SLC35A3: variants seen among roughly 807,000 people sequenced by gnomAD.
SLC35A3 encodes the protein solute carrier family 35 member A3, also known as UDP-N-acetylglucosamine transporter.
SLC35A3 carries 26 observed loss-of-function variants against 39.0 expected under a neutral mutation model. The observed-to-expected ratio is 0.67, with a 90% CI of 0.49 to 0.92. The LOEUF (loss-of-function observed/expected upper bound fraction) is 0.92. Among genes scored for constraint, SLC35A3 ranks in the 40% least tolerant of loss-of-function variants. The pLI, the probability that SLC35A3 is intolerant of heterozygous loss-of-function variation, is 0.00. For synonymous variants in SLC35A3, 135 were observed against 133.1 expected, an observed-to-expected ratio of 1.01 and a Z score of -0.10; for missense variants, 299 against 371.6, an observed-to-expected ratio of 0.80 and a Z score of 1.61.
At chr1:99,970,949 T>C (rs1656769855) in intron 1 of SLC35A3, among the ~76,000 whole-genome samples, 1 of 152,192 alleles carries the variant, frequency 6.6e-6, no homozygotes, top group Non-Finnish European at 1.5e-5. Context: ...CTGTTGATTC[T>C]ATCTCTTCAG....
Position 100,027,277 on chromosome 1 carries a change from T to C in SLC35A3, c.*4801T>C. 1 of 397,916 alleles carries C rather than the reference T, an allele frequency of 2.5e-6. No homozygotes were observed. The highest frequency in any genetic ancestry group is 4.4e-6 in the Non-Finnish European group (1 of 225,750). 24.6% of individuals were successfully genotyped at this position (397,916 alleles called of 1,614,324 possible). On this transcript the variant is annotated 3_prime_UTR_variant, in exon 8 of 8. Coordinates refer to ENST00000533028, the MANE Select transcript of SLC35A3 (RefSeq NM_012243.3). The stretch of plus-strand genomic sequence containing the variant: ...GGCCAGCCTGGGCAACATAGCCTTG[T>C]TTCTACAAAAAATCTTAAAAATAAA...
chr1:100,000,314 G>A (rs1429539719), intron 3 of SLC35A3, among the ~76,000 whole-genome samples: 7 of 151,986 alleles, frequency 4.6e-5, no homozygotes, highest in Admixed American at 1.3e-4. Flanking sequence ...CTTGATTTGC[G>A]TTTCCCTGAT....
intron 4 of SLC35A3, chr1:100,007,654 TG>T (rs958431782): frequency 6.6e-6 from 1 of 152,516 alleles, no homozygotes; most frequent in Non-Finnish European, 1.5e-5. Context: ...CATCTATTCT[TG>T]GGGGGCGGTT....
At chr1:100,002,577 T>A (rs189584328) in intron 3 of SLC35A3, among the ~76,000 whole-genome samples, 1 of 152,170 alleles carries the variant, frequency 6.6e-6, no homozygotes, top group Non-Finnish European at 1.5e-5. Context: ...TTTGTATTTT[T>A]GTTTAGTTTC....
At chr1:99,997,596 A>T (rs1405451022) in intron 2 of SLC35A3, among the ~76,000 whole-genome samples, 1 of 148,592 alleles carries the variant, frequency 6.7e-6, no homozygotes, top group Admixed American at 6.8e-5. Flanking sequence ...ACCATCCAGG[A>T]ATTTTCTCAA....
chr1:99,972,463 G>A (rs1416337299), intron 1 of SLC35A3, among the ~76,000 whole-genome samples: 2 of 151,066 alleles, frequency 1.3e-5, no homozygotes, highest in East Asian at 3.9e-4. Context: ...AGCCTCTCGA[G>A]TAGCTGGGAC....
At chr1:99,970,198 C>T (rs1327387522) in intron 1 of SLC35A3, 36 bp downstream of exon 1, 3 of 195,060 alleles carry the variant, frequency 1.5e-5, no homozygotes, top group Non-Finnish European at 3.2e-5. Context: ...GGGCGGGAAC[C>T]AGGAGGCTAG....
At chr1:99,971,368 G>C (rs564517670) in intron 1 of SLC35A3, among the ~76,000 whole-genome samples, 1 of 151,226 alleles carries the variant, frequency 6.6e-6, no homozygotes, top group East Asian at 1.9e-4. Flanking sequence ...GTGCAGTGGC[G>C]CAATCTCAGC....
At chr1:100,006,717 C>G (rs1292468117) in intron 3 of SLC35A3, among the ~76,000 whole-genome samples, 1 of 152,168 alleles carries the variant, frequency 6.6e-6, no homozygotes, top group Non-Finnish European at 1.5e-5. Context: ...ACCCAGGCCC[C>G]TAGATTGCAT....
intron 2 of SLC35A3, among the ~76,000 whole-genome samples, chr1:99,996,707 G>A (rs1335974277): frequency 7.2e-5 from 11 of 151,948 alleles, no homozygotes; most frequent in Non-Finnish European, 1.3e-4. Context: ...GCCCTCATCT[G>A]TAAAAATAAA....
chr1:100,004,750 CAG>C (rs1326613302), intron 3 of SLC35A3, among the ~76,000 whole-genome samples: 1 of 151,486 alleles, frequency 6.6e-6, no homozygotes, highest in Non-Finnish European at 1.5e-5. Flanking sequence ...TTCTAAAAGA[CAG>C]ATGTCTTGCT....
rs12121705 is a variant in SLC35A3 at position 100,011,259 on chromosome 1, T to G, written c.466-106T>G. ...AAGCTCTCCTTTGCAGTCCCAAAAA[T>G]GATATTGGTTGCATTTTTAAGTTAT... On this transcript the variant is annotated intron_variant, in intron 4 of 7. Transcript: ENST00000533028. 19,468 of 471,692 alleles carry G rather than the reference T, an allele frequency of 0.041. 449 individuals are homozygous for G. The highest frequency in any genetic ancestry group is 0.068 in the African/African-American group (3,439 of 50,418). 29.2% of individuals were successfully genotyped at this position (471,692 alleles called of 1,614,324 possible).
intron 1 of SLC35A3, among the ~76,000 whole-genome samples, chr1:99,984,176 T>A (rs1305060768): frequency 6.6e-6 from 1 of 152,172 alleles, no homozygotes; most frequent in Non-Finnish European, 1.5e-5. Context: ...AAATATTAAA[T>A]TTTTAAAAAT....
chr1:100,008,861 CAACTT>C (rs1366986876), intron 4 of SLC35A3: 2 of 152,164 alleles, frequency 1.3e-5, no homozygotes, highest in Non-Finnish European at 2.9e-5. Context: ...TTTACACTTA[CAACTT>C]AAGTTCCTAG....
intron 1 of SLC35A3, among the ~76,000 whole-genome samples, chr1:99,973,808 A>G (rs1656950006): frequency 6.6e-6 from 1 of 152,198 alleles, no homozygotes; most frequent in Non-Finnish European, 1.5e-5. Context: ...CGAGGTCAGG[A>G]GTTTAAGACC....
At chr1:99,983,909 A>C (rs1259327652) in intron 1 of SLC35A3, among the ~76,000 whole-genome samples, 1 of 152,190 alleles carries the variant, frequency 6.6e-6, no homozygotes, top group Admixed American at 6.5e-5. Flanking sequence ...GGCATGAGCC[A>C]CCGCACCCGG....
rs201343580 is a variant in SLC35A3 at position 100,025,023 on chromosome 1, A to T, written c.*2547A>T. 4.3e-6 allele frequency: 1 copy of T among 230,888 alleles called. No homozygotes were observed. The highest frequency in any genetic ancestry group is 1.8e-4 in the South Asian group (1 of 5,548). 14.3% of individuals were successfully genotyped at this position (230,888 alleles called of 1,614,324 possible). A position where few individuals can be genotyped will look rare whatever the true frequency, so the allele number is the denominator to read the frequency against. ...AGTTTAAAAGCATTTAAAATTACCA[A>T]ATCTTTAAAATCACTTTGGTGGTGA... On this transcript the variant is annotated 3_prime_UTR_variant, in exon 8 of 8. Coordinates refer to ENST00000533028, the MANE Select transcript of SLC35A3 (RefSeq NM_012243.3).
At chr1:99,980,711 G>A (rs1166645000) in intron 1 of SLC35A3, among the ~76,000 whole-genome samples, 1 of 151,504 alleles carries the variant, frequency 6.6e-6, no homozygotes, top group Non-Finnish European at 1.5e-5. Context: ...GTTTAACTTA[G>A]AACATGATAG....
rs911813687 is a variant in SLC35A3 at position 100,025,299 on chromosome 1, T to C, written c.*2823T>C. On this transcript the variant is annotated 3_prime_UTR_variant, in exon 8 of 8. Transcript: ENST00000533028. ...TATTGGTTGGTTACTTATGTATTAA[T>C]GCAGTGTGCATTCACATTTAATCAG... is the stretch of plus-strand genomic sequence containing the variant. 1.3e-5 allele frequency: 2 copies of C among 152,254 alleles called. No homozygotes were observed. Among genetic ancestry groups the C allele is most frequent in the Admixed American group, 6.5e-5 (1 of 15,282 alleles). The allele number at this position is 152,254 out of a possible 1,614,324, so 9.4% of individuals were successfully genotyped here.
Sources: gnomAD v4.1 joint callset for allele counts (sites outside exome capture counted in the v4.1 genomes callset) on GRCh38, gnomAD v4.1.1 for gene constraint, MANE v1.5 for transcripts, NCBI Gene and HGNC (gene_info 2026-07-23, HGNC 2026-07-21) for gene names.